Variants in ZNF827 observed in about 807,000 individuals in gnomAD.
The protein encoded by ZNF827 is zinc finger protein 827.
In ZNF827, 13 loss-of-function variants were observed where a neutral mutation model predicts 102.4. That is an observed-to-expected ratio of 0.13 (90% CI 0.08 to 0.20). The LOEUF is 0.20. Ranked by LOEUF, ZNF827 falls within the 10% of genes least tolerant of loss-of-function variation. The pLI is 1.00. For missense variants in ZNF827, 1,103 were observed against 1,344.4 expected (o/e 0.82, Z 2.81); for synonymous variants, 523 against 536.2 (o/e 0.98, Z 0.34).
chr4:145,783,384 C>T (rs960102901), intron 8 of ZNF827, among the ~76,000 whole-genome samples: 1 of 152,236 alleles, frequency 6.6e-6, no homozygotes, highest in South Asian at 2.1e-4. Context: ...AATCAGGCTA[C>T]CTGCCTTTTG....
chr4:145,793,252 T>G (rs1487379788), intron 8 of ZNF827, among the ~76,000 whole-genome samples: 4 of 142,718 alleles, frequency 2.8e-5, no homozygotes, highest in African/African-American at 7.7e-5. Context: ...CTAAGAGATA[T>G]ATATATATAT....
At chr4:145,844,116 C>T (rs371476001) in intron 7 of ZNF827, among the ~76,000 whole-genome samples, 1 of 152,184 alleles carries the variant, frequency 6.6e-6, no homozygotes, top group East Asian at 1.9e-4. Context: ...AGTGTTTAGA[C>T]CCACAGACAC....
At chr4:145,841,212 A>T (rs1336530103) in intron 7 of ZNF827, among the ~76,000 whole-genome samples, 1 of 152,218 alleles carries the variant, frequency 6.6e-6, no homozygotes, top group Non-Finnish European at 1.5e-5. Flanking sequence ...GTTACACAAC[A>T]TTGAGCATGT....
chr4:145,872,525 C>T (rs750534345), intron 4 of ZNF827, among the ~76,000 whole-genome samples: 91 of 152,288 alleles, frequency 6.0e-4, no homozygotes, highest in Non-Finnish European at 4.1e-4. Context: ...CATTTTGTTA[C>T]GCGGTATTTA....
intron 8 of ZNF827, among the ~76,000 whole-genome samples, chr4:145,797,983 T>C (rs113513443): frequency 6.1e-4 from 93 of 152,324 alleles, no homozygotes; most frequent in African/African-American, 1.9e-3. Flanking sequence ...TGAGTCACCA[T>C]CATTCTCCCT....
chr4:145,899,124 G>A (rs1323868995), intron 2 of ZNF827, among the ~76,000 whole-genome samples: 2 of 152,078 alleles, frequency 1.3e-5, no homozygotes, highest in Non-Finnish European at 2.9e-5. Context: ...ATGCACCTAC[G>A]TATTTTGAAT....
chr4:145,856,952 CCTT>C lies in ZNF827; in HGVS notation c.1982-7394_1982-7392del, dbSNP rs773756051. On this transcript the variant is annotated intron_variant, in intron 5 of 14. Coordinates refer to ENST00000508784, the MANE Select transcript of ZNF827 (RefSeq NM_001306215.2). ...AACTAGGATTTTCTGTATGCCTCCT[CCTT>C]CTTTCTCGCTCATGCGCGCGCACGC... Among the ~76,000 whole-genome samples, 131 of 147,692 alleles carry C rather than the reference CCTT, an allele frequency of 8.9e-4. 1 individual carries two copies. The highest frequency in any genetic ancestry group is 1.5e-3 in the South Asian group (7 of 4,530).
chr4:145,905,895 T>C (rs1052440184), intron 1 of ZNF827, among the ~76,000 whole-genome samples: 9 of 151,966 alleles, frequency 5.9e-5, no homozygotes, highest in African/African-American at 2.2e-4. Context: ...CGGGAAAATA[T>C]ATTATTCAAA....
intron 2 of ZNF827, among the ~76,000 whole-genome samples, chr4:145,898,780 A>G (rs1484963477): frequency 1.3e-5 from 2 of 152,180 alleles, no homozygotes; most frequent in Admixed American, 6.5e-5. Context: ...CTGTTCAAAA[A>G]AGAAGAATAA....
rs766555136 is a variant in ZNF827, at chr4:145,849,475, G to C, written c.2068C>G (p.Pro690Ala). ...GTGCTGTAGCCAACATTCCGGCTGG[G>C]TGATATCGAGACATGGGAGTCCTGG... The part of the protein sequence containing the change: ...DIQDSHVSIS[P>A]SRNVGYSTLI... Residue 690 changes from proline to alanine, a missense_variant, in exon 6 of 15, where the codon CCC (proline) becomes GCC (alanine). This residue lies in a region of ZNF827 where 243 missense variants were observed against 251.6 expected (regional missense o/e 0.97). Coordinates refer to ENST00000508784, the MANE Select transcript of ZNF827 (RefSeq NM_001306215.2). The C allele has an allele frequency of 1.9e-6, 3 of 1,614,180 alleles. No individual in the cohort carries two copies. The highest frequency in any genetic ancestry group is 2.5e-6 in the Non-Finnish European group (3 of 1,180,036).
At chr4:145,771,552 G>A (rs1212938060) in intron 11 of ZNF827, among the ~76,000 whole-genome samples, 2 of 152,188 alleles carry the variant, frequency 1.3e-5, no homozygotes, top group Non-Finnish European at 2.9e-5. Flanking sequence ...CACCAAAGGG[G>A]ATATTTTCCC....
intron 11 of ZNF827, among the ~76,000 whole-genome samples, chr4:145,773,037 G>T (rs186772580): frequency 1.5e-3 from 231 of 152,224 alleles, no homozygotes; most frequent in African/African-American, 5.4e-3. Flanking sequence ...AGGATGGGAG[G>T]GAGGAAGGTT....
intron 1 of ZNF827, chr4:145,907,143 T>C (rs781486925): frequency 7.0e-5 from 32 of 456,082 alleles, no homozygotes; most frequent in Non-Finnish European, 1.3e-4. Flanking sequence ...GGAAAAATTA[T>C]AAGAAGCTCA....
chr4:145,894,647 AT>A (rs1310794608), intron 2 of ZNF827, among the ~76,000 whole-genome samples: 1 of 152,210 alleles, frequency 6.6e-6, no homozygotes, highest in Non-Finnish European at 1.5e-5. Flanking sequence ...AAGTCTGGAA[AT>A]TCCACTTGTG....
intron 8 of ZNF827, among the ~76,000 whole-genome samples, chr4:145,809,382 T>C (rs538269932): frequency 1.3e-5 from 2 of 152,340 alleles, no homozygotes; most frequent in African/African-American, 4.8e-5. Flanking sequence ...TTCCTGGGCC[T>C]AGGGCAGGCT....
chr4:145,793,282 T>G (rs1430889832), intron 8 of ZNF827, among the ~76,000 whole-genome samples: 3 of 33,630 alleles, frequency 8.9e-5, no homozygotes, highest in African/African-American at 3.2e-4. Context: ...ATATATATAA[T>G]ATATATATGA....
intron 5 of ZNF827, among the ~76,000 whole-genome samples, chr4:145,862,615 CT>C (rs1747840823): frequency 6.6e-6 from 1 of 152,116 alleles, no homozygotes; most frequent in African/African-American, 2.4e-5. Context: ...GTCACATTCA[CT>C]GTAAGTCATT....
At chr4:145,859,511 T>C (rs1400926168) in intron 5 of ZNF827, among the ~76,000 whole-genome samples, 2 of 152,174 alleles carry the variant, frequency 1.3e-5, no homozygotes, top group East Asian at 1.9e-4. Context: ...CTCCCACTAG[T>C]AGATAATGTT....
chr4:145,835,303 G>T (rs567473514), intron 7 of ZNF827: 2 of 152,004 alleles, frequency 1.3e-5, no homozygotes, highest in African/African-American at 2.4e-5. Context: ...AGGTAAGCCC[G>T]TCCCCTTCTT....
Sources: gnomAD v4.1 joint callset for allele counts (sites outside exome capture counted in the v4.1 genomes callset) on GRCh38, gnomAD v4.1.1 for gene constraint, gnomAD v4.1.1 regional missense constraint, MANE v1.5 for transcripts, NCBI Gene and HGNC (gene_info 2026-07-23, HGNC 2026-07-21) for gene names.